Variants in PACSIN2 observed in about 807,000 individuals in gnomAD.
PACSIN2 encodes the protein protein kinase C and casein kinase substrate in neurons 2.
Under a neutral mutation model 63.8 loss-of-function variants are expected in PACSIN2, and 25 were observed. That is an observed-to-expected ratio of 0.39 (90% confidence interval 0.29 to 0.55). PACSIN2 has a LOEUF of 0.55. Among genes scored for constraint, PACSIN2 ranks in the 20% least tolerant of loss-of-function variants. The pLI, the probability that PACSIN2 is intolerant of heterozygous loss-of-function variation, is 0.62. For synonymous variants in PACSIN2, 255 were observed against 256.2 expected (o/e 1.00, Z 0.05); for missense variants, 518 against 646.9 (o/e 0.80, Z 2.16).
At chr22:42,923,197 C>T (rs1007023005) in intron 1 of PACSIN2, among the ~76,000 whole-genome samples, 5 of 152,162 alleles carry the variant, frequency 3.3e-5, no homozygotes, top group African/African-American at 9.7e-5. Flanking sequence ...CATAATTGGC[C>T]GCAGAACTGT....
intron 1 of PACSIN2, among the ~76,000 whole-genome samples, chr22:42,919,007 G>A (rs1931989502): frequency 6.6e-6 from 1 of 152,162 alleles, no homozygotes; most frequent in African/African-American, 2.4e-5. Context: ...CATTCTTCCA[G>A]GTTGAGCCGA....
At chr22:42,981,518 A>G (rs1183235604) in intron 1 of PACSIN2, among the ~76,000 whole-genome samples, 2 of 49,912 alleles carry the variant, frequency 4.0e-5, no homozygotes, top group African/African-American at 2.3e-4. Flanking sequence ...TCCGGGAGGG[A>G]GGTGGGGGGG....
chr22:43,002,100 T>C (rs1923805200), intron 1 of PACSIN2, among the ~76,000 whole-genome samples: 1 of 152,194 alleles, frequency 6.6e-6, no homozygotes. Context: ...ACCAGTGCTA[T>C]AAACTTCCCA....
intron 1 of PACSIN2, among the ~76,000 whole-genome samples, chr22:42,987,737 T>C (rs905277899): frequency 6.6e-6 from 1 of 151,856 alleles, no homozygotes; most frequent in African/African-American, 2.4e-5. Flanking sequence ...TTAATCACTG[T>C]GTTAGCCAGG....
In PACSIN2 at chr22:42,876,264, G is replaced by A. The variant is rs375344295; in HGVS notation, c.1221C>T (p.Phe407=). The change falls in exon 10 of 11, where the codon TTC becomes TTT. Residue 407 remains phenylalanine, a synonymous_variant. Coordinates refer to ENST00000263246, the MANE Select transcript of PACSIN2 (RefSeq NM_001184970.3). ...DWSDDESNNP[F]SSTDANGDSN... is the part of the protein sequence containing the mutation. ...AGTCCCCATTGGCATCCGTGGAGGA[G>A]AAGGGGTTGTTAGACTCATCGTCTG... 6.2e-7 allele frequency: 1 copy of A among 1,614,220 alleles called. No individual in the cohort carries two copies. The highest frequency in any genetic ancestry group is 8.5e-7 in the Non-Finnish European group (1 of 1,180,024).
chr22:42,876,360 C>T (rs1241495925), intron 9 of PACSIN2, 27 bp from the exon 10 acceptor site: 1 of 1,604,992 alleles, frequency 6.2e-7, no homozygotes, highest in Non-Finnish European at 8.5e-7. Flanking sequence ...GCCACAGGGC[C>T]CTCAGCACAG....
intron 1 of PACSIN2, among the ~76,000 whole-genome samples, chr22:42,989,858 GGAA>G (rs1478260731): frequency 8.1e-5 from 8 of 98,348 alleles, no homozygotes; most frequent in African/African-American, 5.0e-4. Context: ...TCTTGGAGGG[GGAA>G]AAAAAAATAT....
intron 2 of PACSIN2, among the ~76,000 whole-genome samples, chr22:42,905,736 G>C (rs1931029974): frequency 6.6e-6 from 1 of 152,240 alleles, no homozygotes; most frequent in African/African-American, 2.4e-5. Context: ...GCCTGCAGCA[G>C]CCAGCCAAAA....
intron 2 of PACSIN2, among the ~76,000 whole-genome samples, chr22:42,906,707 C>A (rs980106794): frequency 1.3e-5 from 2 of 152,202 alleles, no homozygotes; most frequent in African/African-American, 4.8e-5. Flanking sequence ...GAGCAGGCTG[C>A]AGCAGCCTGT....
rs1335717616 is a variant in PACSIN2, at chr22:42,943,889, A to AG, written c.-77-31733_-77-31732insC. On this transcript the variant is annotated intron_variant, in intron 1 of 10. Coordinates refer to ENST00000263246, the MANE Select transcript of PACSIN2 (RefSeq NM_001184970.3). ...TACAATATAGAAAGCAAAGAAAGAA[A>AG]AAGACACAATTGATAAAAATCTTAT... Among the ~76,000 whole-genome samples, 10 of 152,366 alleles carry AG rather than the reference A, an allele frequency of 6.6e-5. No homozygotes were observed. In the South Asian group the frequency reaches 2.1e-3, roughly 32 times the overall value.
chr22:42,927,534 C>T (rs1932615276), intron 1 of PACSIN2, among the ~76,000 whole-genome samples: 1 of 152,118 alleles, frequency 6.6e-6, no homozygotes. Flanking sequence ...CAGGCGTGAG[C>T]CACCACGCCT....
At chr22:42,884,644 T>C (rs2273143) in intron 5 of PACSIN2, 83 bp from the exon 6 acceptor site, 596,617 of 1,029,608 alleles carry the variant, frequency 0.58, 178,927 homozygotes, top group African/African-American at 0.88. Context: ...TCTCAGGCCT[T>C]CCCAGATTCC....
At position 42,943,055 on chromosome 22, in the gene PACSIN2, C is replaced by T. The variant is rs78615556; in HGVS notation, c.-77-30898G>A. On this transcript the variant is annotated intron_variant, in intron 1 of 10. Transcript: ENST00000263246. ...GGATCTCTTTCCATTTATTCAGGTC[C>T]TTTTAAATTTATTTCAACAATGTTT... is the stretch of plus-strand genomic sequence containing the variant. 8.6e-3 allele frequency among the ~76,000 whole-genome samples: 1,314 copies of T among 152,240 alleles called. 9 individuals carry two copies. Among genetic ancestry groups the T allele is most frequent in the Middle Eastern group, 0.027 (8 of 294 alleles).
At chr22:42,981,556 G>A (rs1459454891) in intron 1 of PACSIN2, among the ~76,000 whole-genome samples, 2 of 117,606 alleles carry the variant, frequency 1.7e-5, no homozygotes, top group East Asian at 3.2e-4. Flanking sequence ...CGGCCGCCCC[G>A]TCCGGGAGGT....
intron 1 of PACSIN2, among the ~76,000 whole-genome samples, chr22:42,920,285 G>A (rs536291976): frequency 1.3e-5 from 2 of 152,266 alleles, no homozygotes; most frequent in East Asian, 3.9e-4. Flanking sequence ...GGGCTACCCT[G>A]GGTGCCATGC....
intron 1 of PACSIN2, among the ~76,000 whole-genome samples, chr22:42,957,231 T>G (rs931494903): frequency 5.3e-5 from 8 of 152,236 alleles, no homozygotes; most frequent in African/African-American, 1.9e-4. Flanking sequence ...GCTTATGTAT[T>G]CCACTTCATT....
chr22:43,007,774 G>T (rs968449761), intron 1 of PACSIN2, among the ~76,000 whole-genome samples: 3 of 152,194 alleles, frequency 2.0e-5, no homozygotes, highest in African/African-American at 7.2e-5. Flanking sequence ...TTACAGAGCA[G>T]CCATCATCTT....
intron 1 of PACSIN2, 45 bp from the exon 2 acceptor site, chr22:42,912,202 G>C (rs1350630564): frequency 3.1e-6 from 2 of 643,492 alleles, no homozygotes; most frequent in Non-Finnish European, 2.6e-6. Flanking sequence ...AAATTCCCAA[G>C]GTAAAGAAAC....
At chr22:42,946,554 A>T (rs950521213) in intron 1 of PACSIN2, among the ~76,000 whole-genome samples, 2 of 152,198 alleles carry the variant, frequency 1.3e-5, no homozygotes, top group Non-Finnish European at 2.9e-5. Flanking sequence ...TGTCTCAAAA[A>T]ACAAAAAGAA....
Sources: allele counts gnomAD v4.1 joint callset (sites outside exome capture counted in the v4.1 genomes callset), GRCh38; gene constraint gnomAD v4.1.1; transcripts MANE v1.5; gene names NCBI Gene and HGNC (gene_info 2026-07-23, HGNC 2026-07-21).